CHDH: variants seen among roughly 807,000 people sequenced by gnomAD.
The protein encoded by CHDH is choline dehydrogenase.
CHDH carries 43 observed loss-of-function variants against 56.9 expected under a neutral mutation model. That is an observed-to-expected ratio of 0.76 (90% CI 0.59 to 0.97). The LOEUF (loss-of-function observed/expected upper bound fraction) is 0.97, where lower values mean the gene tolerates loss of function less well. Ranked by LOEUF, CHDH falls within the 50% of genes least tolerant of loss-of-function variation. The pLI, the probability that CHDH is intolerant of heterozygous loss-of-function variation, is 0.00. For synonymous variants in CHDH, 364 were observed against 348.5 expected (o/e 1.04, Z -0.50); for missense variants, 816 against 821.1 (o/e 0.99, Z 0.08).
chr3:53,824,075 A>G lies in CHDH; in HGVS notation c.-59-8T>C. 14 of 1,355,904 alleles carry G rather than the reference A, an allele frequency of 1.0e-5. No homozygotes were observed. The highest frequency in any genetic ancestry group is 3.3e-5 in the Admixed American group (1 of 30,616). The allele number at this position is 1,355,904 out of a possible 1,614,324, so 84.0% of individuals were successfully genotyped here. A position where few individuals can be genotyped will look rare whatever the true frequency, so the allele number is the denominator to read the frequency against. ...GAGATGACTCACTTCTCCCTAAAAC[A>G]GGAAGAGGGGCTTTAAAAATCTTAA... On this transcript the variant is annotated splice_polypyrimidine_tract_variant and splice_region_variant and intron_variant, in intron 2 of 8. Coordinates refer to ENST00000315251, the MANE Select transcript of CHDH (RefSeq NM_018397.5).
At position 53,814,104 on chromosome 3, in the gene CHDH, C is replaced by T. The variant is rs529282849; in HGVS notation, c.*3673G>A. 2.0e-5 allele frequency: 3 copies of T among 152,314 alleles called. No individual in the cohort carries two copies. Among genetic ancestry groups the T allele is most frequent in the Admixed American group, 6.5e-5 (1 of 15,304 alleles). 9.4% of individuals were successfully genotyped at this position (152,314 alleles called of 1,614,324 possible). On this transcript the variant is annotated 3_prime_UTR_variant, in exon 9 of 9. Coordinates refer to ENST00000315251, the MANE Select transcript of CHDH (RefSeq NM_018397.5). ...GGGCTGTGAGGGCCACGTTACCTCT[C>T]GGTGCAGTCTCACCTGTGTGAGATG...
chr3:53,835,552 C>A (rs909275829), intron 2 of CHDH, among the ~76,000 whole-genome samples: 1 of 152,230 alleles, frequency 6.6e-6, no homozygotes, highest in African/African-American at 2.4e-5. Flanking sequence ...GGATTCAGGG[C>A]AGGTCACCTG....
chr3:53,846,327 T>A lies in CHDH; in HGVS notation c.-375A>T. The A allele has an allele frequency of 2.3e-6, 1 of 439,280 alleles. No homozygotes were observed. Among genetic ancestry groups the A allele is most frequent in the Non-Finnish European group, 4.0e-6 (1 of 250,878 alleles). 27.2% of individuals were successfully genotyped at this position (439,280 alleles called of 1,614,324 possible). The stretch of plus-strand genomic sequence containing the variant: ...CAGCTGATGCACCTGGCTCACTGCA[T>A]GCACGTGTGCGCGGGGGTAGGCGCG... On this transcript the variant is annotated 5_prime_UTR_variant, in exon 1 of 9. It removes an upstream start codon present in the reference 5' UTR. Transcript: ENST00000315251.
chr3:53,818,028 G>C lies in CHDH; in HGVS notation c.1534C>G (p.Pro512Ala). 6.2e-7 allele frequency: 1 copy of C among 1,614,214 alleles called. No individual in the cohort carries two copies. The highest frequency in any genetic ancestry group is 2.2e-5 in the East Asian group (1 of 44,886). ...VRAKADSAYH[P>A]SCTCKMGQPS... ...TGGCCCATCTTACAGGTGCACGAGG[G>C]GTGGTAGGCGCTGTCGGCTTTTGCC... is the stretch of plus-strand genomic sequence containing the variant. The change falls in exon 9 of 9, where the codon CCC (proline) becomes GCC (alanine). Residue 512 changes from proline (P) to alanine (A), a missense_variant. By Grantham distance (27) the Pro-to-Ala change is conservative (BLOSUM62 -1). Coordinates refer to ENST00000315251, the MANE Select transcript of CHDH (RefSeq NM_018397.5).
intron 2 of CHDH, among the ~76,000 whole-genome samples, chr3:53,837,063 G>A (rs1380025063): frequency 2.0e-5 from 3 of 152,104 alleles, no homozygotes; most frequent in Non-Finnish European, 4.4e-5. Context: ...GCACGGTGGT[G>A]TGTACCTATA....
intron 2 of CHDH, among the ~76,000 whole-genome samples, chr3:53,837,356 G>T (rs1010992347): frequency 6.6e-6 from 1 of 152,236 alleles, no homozygotes; most frequent in African/African-American, 2.4e-5. Context: ...GGCCCCTTGT[G>T]CCCTGGCTGC....
chr3:53,828,162 GACACACACACACACACACACACACAC>G, intron 2 of CHDH, among the ~76,000 whole-genome samples: 1 of 145,250 alleles, frequency 6.9e-6, no homozygotes, highest in Non-Finnish European at 1.5e-5. Flanking sequence ...GGAATAACTA[GACACACACACACACACACACACACAC>G]ACACACACAC....
rs939840031 is a variant in CHDH at position 53,819,781 on chromosome 3, C to T, written c.1121-107G>A. ...TCCTGGCCGCTCCTCTTCCTTTTCC[C>T]GGACTCCACTCTAGTGCCTGGACCC... On this transcript the variant is annotated intron_variant, in intron 6 of 8. Transcript: ENST00000315251. This position sits in a 1 kb window ranked among gnomAD's most constrained non-coding sequence, Gnocchi z 5.4. 1.3e-5 allele frequency: 18 copies of T among 1,347,884 alleles called. 1 individual carries two copies. Among genetic ancestry groups the T allele is most frequent in the South Asian group, 4.6e-5 (3 of 65,850 alleles). 83.5% of individuals were successfully genotyped at this position (1,347,884 alleles called of 1,614,324 possible).
chr3:53,823,937 G>GGATT lies in CHDH; in HGVS notation c.68_71dup (p.Leu25IlefsTer13). ...CGCTGGCCAGGGCCCGGGCACCCAG[G>GGATT]GATTGCTGCTGCCCCAGGGCTCCCC... On this transcript the variant is annotated frameshift_variant, in exon 3 of 9. Transcript: ENST00000315251. LOFTEE classifies it high-confidence loss of function. 6.5e-7 allele frequency: 1 copy of GGATT among 1,539,246 alleles called. No homozygotes were observed. The highest frequency in any genetic ancestry group is 1.2e-5 in the South Asian group (1 of 84,016).
chr3:53,832,511 G>A (rs996605822), intron 2 of CHDH, among the ~76,000 whole-genome samples: 9 of 151,838 alleles, frequency 5.9e-5, no homozygotes, highest in Non-Finnish European at 8.8e-5. Context: ...CAGCCTGGGC[G>A]ACAGAGCGAG....
At chr3:53,839,273 A>G (rs1698600175) in intron 2 of CHDH, among the ~76,000 whole-genome samples, 1 of 152,214 alleles carries the variant, frequency 6.6e-6, no homozygotes, top group Non-Finnish European at 1.5e-5. Context: ...AGATCAATCC[A>G]CCGACTCACA....
intron 2 of CHDH, among the ~76,000 whole-genome samples, chr3:53,837,984 G>A (rs1698553368): frequency 2.0e-5 from 3 of 149,656 alleles, no homozygotes; most frequent in Non-Finnish European, 2.9e-5. Flanking sequence ...TTGAACCTGG[G>A]AGGCACAGGT....
rs2095618280 is a variant in CHDH, at chr3:53,817,725, C to T, written c.*52G>A. 2 of 1,494,096 alleles carry T rather than the reference C, an allele frequency of 1.3e-6. No individual in the cohort carries two copies. Among genetic ancestry groups the T allele is most frequent in the Non-Finnish European group, 1.8e-6 (2 of 1,106,068 alleles). 92.6% of individuals were successfully genotyped at this position (1,494,096 alleles called of 1,614,324 possible). A position where few individuals can be genotyped will look rare whatever the true frequency, so the allele number is the denominator to read the frequency against. On this transcript the variant is annotated 3_prime_UTR_variant, in exon 9 of 9. Coordinates refer to ENST00000315251, the MANE Select transcript of CHDH (RefSeq NM_018397.5). The stretch of plus-strand genomic sequence containing the variant: ...AGCCTGGGAGCAAGGGCTGTGCTGG[C>T]CCTCTTGGCTTATCAGGGGGCTTCC...
intron 5 of CHDH, among the ~76,000 whole-genome samples, chr3:53,821,041 A>G (rs2095625392): frequency 6.6e-6 from 1 of 152,240 alleles, no homozygotes; most frequent in Non-Finnish European, 1.5e-5. Context: ...CCTTGCATGA[A>G]TTCATCCAAG....
At chr3:53,826,033 G>A (rs1178579208) in intron 2 of CHDH, among the ~76,000 whole-genome samples, 2 of 151,832 alleles carry the variant, frequency 1.3e-5, no homozygotes, top group Admixed American at 1.3e-4. Flanking sequence ...AGATGAAATG[G>A]ACTAATTCCT....
rs868809405 is a variant in CHDH at position 53,823,592 on chromosome 3, G to A, written c.417C>T (p.Tyr139=). The A allele has an allele frequency of 3.3e-5, 51 of 1,543,624 alleles. No homozygotes were observed. Among genetic ancestry groups the A allele is most frequent in the Middle Eastern group, 4.4e-4 (2 of 4,502 alleles). ...GGSSSLNAMV[Y]VRGHAEDYER... is the part of the protein sequence containing the mutation. Reference sequence around the variant, plus strand: ...CGTAGTCCTCGGCGTGCCCACGGACGTAGACCATGGCATTGAGGGATGAGG... The same window carrying A: ...CGTAGTCCTCGGCGTGCCCACGGACATAGACCATGGCATTGAGGGATGAGG... The change falls in exon 3 of 9, where the codon TAC becomes TAT. Residue 139 remains tyrosine (Y), a synonymous_variant. Coordinates refer to ENST00000315251, the MANE Select transcript of CHDH (RefSeq NM_018397.5).
At chr3:53,838,030 C>T (rs1394091528) in intron 2 of CHDH, among the ~76,000 whole-genome samples, 4 of 138,346 alleles carry the variant, frequency 2.9e-5, no homozygotes, top group Non-Finnish European at 6.0e-5. Context: ...GCACTCCAAC[C>T]TGGGCGACAG....
intron 2 of CHDH, among the ~76,000 whole-genome samples, chr3:53,839,160 G>A (rs539263406): frequency 1.1e-4 from 17 of 152,294 alleles, no homozygotes; most frequent in Admixed American, 3.3e-4. Flanking sequence ...TTAAAAGACC[G>A]ACTTCTCTGT....
In CHDH at chr3:53,823,565, C is replaced by T; in HGVS notation, c.444G>A (p.Glu148=). Residue 148 remains glutamate, a synonymous_variant, in exon 3 of 9, where the codon GAG becomes GAA. Transcript: ENST00000315251. The stretch of plus-strand genomic sequence containing the variant: ...CGCGGGCGCCCTGGCGCTGCCAGCG[C>T]TCGTAGTCCTCGGCGTGCCCACGGA... ...VYVRGHAEDY[E]RWQRQGARGW... 6.5e-7 allele frequency: 1 copy of T among 1,543,138 alleles called. No individual in the cohort carries two copies. The highest frequency in any genetic ancestry group is 8.7e-7 in the Non-Finnish European group (1 of 1,146,254).
Sources: allele counts gnomAD v4.1 joint callset (sites outside exome capture counted in the v4.1 genomes callset), GRCh38; gene constraint gnomAD v4.1.1; non-coding constraint Gnocchi (gnomAD v3.1); transcripts MANE v1.5; gene names NCBI Gene and HGNC (gene_info 2026-07-23, HGNC 2026-07-21).